The following SNED1 variants were observed in gnomAD, a reference collection of about 807,000 sequenced individuals.
SNED1 encodes sushi, nidogen and EGF like domains 1.
Under a neutral mutation model 166.7 loss-of-function variants are expected in SNED1, and 81 were observed. The ratio of observed to expected loss-of-function variants is 0.49; its 90% CI spans 0.41 to 0.58. The LOEUF (loss-of-function observed/expected upper bound fraction) is 0.58, where lower values mean the gene tolerates loss of function less well. Ranked by LOEUF, SNED1 falls within the 20% of genes least tolerant of loss-of-function variation. The probability of loss-of-function intolerance (pLI) is 0.00; values close to 1 mark genes in which losing one functional copy is unlikely to be tolerated. For missense variants in SNED1, 1,604 were observed against 2,000.2 expected (o/e 0.80, Z 3.78); for synonymous variants, 762 against 822.0 (o/e 0.93, Z 1.25).
At position 241,013,809 on chromosome 2, in the gene SNED1, C is replaced by G. The variant is rs182327377; in HGVS notation, c.213+14759C>G. On this transcript the variant is annotated intron_variant, in intron 1 of 31. Coordinates refer to ENST00000310397, the MANE Select transcript of SNED1 (RefSeq NM_001080437.3). The surrounding 1 kb of genome is among the most constrained non-coding windows in gnomAD (Gnocchi z 4.6). ...GTGTACATATGTCTGTATATATACA[C>G]CACATTTTGTTTATCCATTCATCCG... is the stretch of plus-strand genomic sequence containing the variant. 6.6e-6 allele frequency among the ~76,000 whole-genome samples: 1 copy of G among 152,272 alleles called. No individual in the cohort carries two copies. Among genetic ancestry groups the G allele is most frequent in the Non-Finnish European group, 1.5e-5 (1 of 68,016 alleles).
intron 31 of SNED1, 176 bp downstream of exon 31, chr2:241,088,578 G>A: frequency 1.6e-6 from 1 of 609,796 alleles, no homozygotes; most frequent in Admixed American, 2.9e-5. Context: ...AAGTCCCCAA[G>A]GGGAAACAGA....
At chr2:241,076,801 A>G (rs2063042143) in intron 27 of SNED1, among the ~76,000 whole-genome samples, 1 of 151,322 alleles carries the variant, frequency 6.6e-6, no homozygotes, top group African/African-American at 2.4e-5. Flanking sequence ...AAAAGAACTG[A>G]GAGTCCAGGG....
At chr2:241,067,216 C>T (rs546882360) in intron 21 of SNED1, among the ~76,000 whole-genome samples, 15 of 152,332 alleles carry the variant, frequency 9.8e-5, no homozygotes, top group Middle Eastern at 3.4e-3. Flanking sequence ...GGGAGCTGAG[C>T]GCTGCCCTCT....
At position 241,011,115 on chromosome 2, in the gene SNED1, TC is replaced by T. The variant is rs1396827441; in HGVS notation, c.213+12066del. ...TCCTGGGGGTGGCAGGTCTCCTGGGTCTCCTGGGGGTGGCAGGTCTCCTGGT... is the reference window on the plus strand; with the variant it reads ...TCCTGGGGGTGGCAGGTCTCCTGGGTTCCTGGGGGTGGCAGGTCTCCTGGT... On this transcript the variant is annotated intron_variant, in intron 1 of 31. Transcript: ENST00000310397. Among the ~76,000 whole-genome samples, 4 of 136,824 alleles carry T rather than the reference TC, an allele frequency of 2.9e-5. No homozygotes were observed. In the Admixed American group the frequency reaches 3.1e-4, roughly 11 times the overall value. 89.8% of individuals were successfully genotyped at this position (136,824 alleles called of 152,430 possible).
rs1361345290 is a variant in SNED1, at chr2:241,091,227, A to G, written c.*2-411A>G. The stretch of plus-strand genomic sequence containing the variant: ...ACACGCACCCAGACACCCATCCAAG[A>G]ACAACACGAGAATTCATTTCAACCC... On this transcript the variant is annotated intron_variant, in intron 31 of 31. Transcript: ENST00000310397. The surrounding 1 kb of genome is among the most constrained non-coding windows in gnomAD (Gnocchi z 4.1). Among the ~76,000 whole-genome samples, 1 of 152,224 alleles carries G rather than the reference A, an allele frequency of 6.6e-6. No individual in the cohort carries two copies. The highest frequency in any genetic ancestry group is 2.4e-5 in the African/African-American group (1 of 41,450).
Position 240,998,853 on chromosome 2 carries a change from G to A in SNED1, c.16G>A (p.Ala6Thr). 8.3e-7 allele frequency: 1 copy of A among 1,203,430 alleles called. No homozygotes were observed. The highest frequency in any genetic ancestry group is 1.0e-6 in the Non-Finnish European group (1 of 972,536). 74.5% of individuals were successfully genotyped at this position (1,203,430 alleles called of 1,614,324 possible). A position where few individuals can be genotyped will look rare whatever the true frequency, so the allele number is the denominator to read the frequency against. Residue 6 changes from alanine (A) to threonine (T), a missense_variant, in exon 1 of 32, where the codon GCC (alanine) becomes ACC (threonine). Ala to Thr is a moderately conservative substitution (Grantham distance 58). Coordinates refer to ENST00000310397, the MANE Select transcript of SNED1 (RefSeq NM_001080437.3). MRHGV[A>T]WALLVAAALG... The stretch of plus-strand genomic sequence containing the variant: ...CACCTCCGCGATGCGGCACGGCGTC[G>A]CCTGGGCGCTGCTGGTGGCCGCGGC...
chr2:241,051,427 G>T lies in SNED1; in HGVS notation c.1736-317G>T. 3.5e-6 allele frequency: 1 copy of T among 289,232 alleles called. No individual in the cohort carries two copies. The allele number at this position is 289,232 out of a possible 1,614,324, so 17.9% of individuals were successfully genotyped here. ...GGGAATGCCCGTGTGCAGGAGGGAG[G>T]GAGTGCTGCGCCCGCTGCAGTGTTG... On this transcript the variant is annotated intron_variant, in intron 12 of 31. Coordinates refer to ENST00000310397, the MANE Select transcript of SNED1 (RefSeq NM_001080437.3). This position sits in a 1 kb window ranked among gnomAD's most constrained non-coding sequence, Gnocchi z 4.7.
intron 1 of SNED1, among the ~76,000 whole-genome samples, chr2:241,004,734 G>C (rs900704970): frequency 2.6e-5 from 4 of 151,532 alleles, no homozygotes; most frequent in Non-Finnish European, 5.9e-5. Context: ...TTGTTTGTTT[G>C]TTTTTTTGAG....
In SNED1 at chr2:241,069,919, G is replaced by T; in HGVS notation, c.3308-1G>T. 6.2e-7 allele frequency: 1 copy of T among 1,611,654 alleles called. No individual in the cohort carries two copies. Reference sequence around the variant, plus strand: ...CCTCTCCCTGCTCCTGCCTCATCCAGGGCCCCTGCCTCCAGCAAACCTGAC... The same window carrying T: ...CCTCTCCCTGCTCCTGCCTCATCCATGGCCCCTGCCTCCAGCAAACCTGAC... On this transcript the variant is annotated splice_acceptor_variant, in intron 23 of 31. Transcript: ENST00000310397. LOFTEE classifies it high-confidence loss of function. The surrounding 1 kb of genome is among the most constrained non-coding windows in gnomAD (Gnocchi z 4.9).
Position 241,094,536 on chromosome 2 carries a change from C to A in SNED1, c.*2900C>A. 1 of 372,502 alleles carries A rather than the reference C, an allele frequency of 2.7e-6. No homozygotes were observed. Among genetic ancestry groups the A allele is most frequent in the South Asian group, 2.1e-5 (1 of 48,154 alleles). 23.1% of individuals were successfully genotyped at this position (372,502 alleles called of 1,614,324 possible). On this transcript the variant is annotated 3_prime_UTR_variant, in exon 32 of 32. Transcript: ENST00000310397. This position sits in a 1 kb window ranked among gnomAD's most constrained non-coding sequence, Gnocchi z 4.3. ...CAGTGCATAGGGGAAAGGAACCCGG[C>A]TGAAAAACCAGCTCCTTATTTTTCT...
chr2:241,071,695 C>T lies in SNED1; in HGVS notation c.3709C>T (p.Pro1237Ser), dbSNP rs779819552. ...GCGCCTGCTCAATGACCACAGCGCC[C>T]CCGAGACCCCCACCCAGCCCCCCAG... ...ELRLLNDHSA[P>S]ETPTQPPRFS... The change falls in exon 25 of 32, where the codon CCC (proline) becomes TCC (serine). Residue 1237 changes from proline to serine, a missense_variant. By Grantham distance (74) the Pro-to-Ser change is moderately conservative (BLOSUM62 -1). Coordinates refer to ENST00000310397, the MANE Select transcript of SNED1 (RefSeq NM_001080437.3). 7.9e-6 allele frequency: 12 copies of T among 1,516,302 alleles called. No homozygotes were observed. Among genetic ancestry groups the T allele is most frequent in the Admixed American group, 3.9e-5 (2 of 50,986 alleles). 93.9% of individuals were successfully genotyped at this position (1,516,302 alleles called of 1,614,324 possible). A position where few individuals can be genotyped will look rare whatever the true frequency, so the allele number is the denominator to read the frequency against.
chr2:241,071,970 A>AC, intron 26 of SNED1, 92 bp downstream of exon 26: 1 of 1,072,074 alleles, frequency 9.3e-7, no homozygotes, highest in Non-Finnish European at 1.4e-6. Context: ...TGATGAGCCC[A>AC]CCCCCACCGC....
rs367589021 is a variant in SNED1, at chr2:241,053,296, G to A, written c.2227G>A (p.Gly743Ser). ...CCGCATCCGGGTCTGCCAGCCACAC[G>A]GTGTCTGGAGTGAGCCTCCCCAGTG... ...PSRIRVCQPH[G>S]VWSEPPQCLE... is the part of the protein sequence containing the mutation. The change falls in exon 16 of 32, where the codon GGT (glycine) becomes AGT (serine). Residue 743 changes from glycine (G) to serine (S), a missense_variant. By Grantham distance (56) the Gly-to-Ser change is moderately conservative. Around this residue, in one of 2 missense-constraint regions of SNED1, gnomAD observed 1,237 missense variants for 1,620.8 expected, o/e 0.76. Coordinates refer to ENST00000310397, the MANE Select transcript of SNED1 (RefSeq NM_001080437.3). 1.1e-5 allele frequency: 17 copies of A among 1,593,476 alleles called. No homozygotes were observed. The highest frequency in any genetic ancestry group is 4.5e-5 in the South Asian group (4 of 89,626).
chr2:241,053,850 T>A (rs1419361979), intron 16 of SNED1, among the ~76,000 whole-genome samples: 1 of 152,198 alleles, frequency 6.6e-6, no homozygotes, highest in Non-Finnish European at 1.5e-5. Context: ...CCGAAGCCCC[T>A]GGAGAAGTAG....
intron 3 of SNED1, among the ~76,000 whole-genome samples, chr2:241,034,079 T>C (rs1277582475): frequency 6.6e-6 from 1 of 152,096 alleles, no homozygotes; most frequent in African/African-American, 2.4e-5. Flanking sequence ...GGCACCTTTG[T>C]CCCCCTGACC....
At chr2:241,029,540 T>A (rs1272068275) in intron 1 of SNED1, among the ~76,000 whole-genome samples, 1 of 152,278 alleles carries the variant, frequency 6.6e-6, no homozygotes, top group East Asian at 1.9e-4. Context: ...ACATAGGAAT[T>A]TGGGGGGACA....
chr2:241,084,153 T>TTTTTTG (rs2063467474), intron 29 of SNED1, among the ~76,000 whole-genome samples: 1 of 148,474 alleles, frequency 6.7e-6, no homozygotes, highest in African/African-American at 2.6e-5. Flanking sequence ...TTTTTTTTTT[T>TTTTTTG]GAGACAAAGT....
chr2:240,999,181 G>A lies in SNED1; in HGVS notation c.213+131G>A. On this transcript the variant is annotated intron_variant, in intron 1 of 31. Coordinates refer to ENST00000310397, the MANE Select transcript of SNED1 (RefSeq NM_001080437.3). The surrounding 1 kb of genome is among the most constrained non-coding windows in gnomAD (Gnocchi z 5.8). ...CCGGGGCGGCCCGAGGTGGAATGAG[G>A]ACAGCGCTTCCTCCTCGGCGGCCAA... 2 of 444,428 alleles carry A rather than the reference G, an allele frequency of 4.5e-6. No individual in the cohort carries two copies. The highest frequency in any genetic ancestry group is 6.9e-6 in the Non-Finnish European group (2 of 290,598). The allele number at this position is 444,428 out of a possible 1,614,324, so 27.5% of individuals were successfully genotyped here.
chr2:241,041,577 C>T (rs2061522168), intron 8 of SNED1, among the ~76,000 whole-genome samples: 2 of 151,940 alleles, frequency 1.3e-5, no homozygotes, highest in Non-Finnish European at 2.9e-5. Context: ...CCCAGCTACT[C>T]GGGAGGTTGA....
Sources: allele counts gnomAD v4.1 joint callset (sites outside exome capture counted in the v4.1 genomes callset), GRCh38; gene constraint gnomAD v4.1.1; regional missense constraint gnomAD v4.1.1; non-coding constraint Gnocchi (gnomAD v3.1); transcripts MANE v1.5; gene names NCBI Gene and HGNC (gene_info 2026-07-23, HGNC 2026-07-21).